The following SRPK2 variants were observed in gnomAD, a reference collection of about 807,000 sequenced individuals.
The protein encoded by SRPK2 is SFRS protein kinase 2.
Under a neutral mutation model 90.8 loss-of-function variants are expected in SRPK2, and 21 were observed. The observed-to-expected ratio is 0.23, with a 90% CI of 0.16 to 0.33. The LOEUF (loss-of-function observed/expected upper bound fraction) is 0.33. Ranked by LOEUF, SRPK2 falls within the 10% of genes least tolerant of loss-of-function variation. SRPK2 has a pLI of 1.00. For missense variants in SRPK2, 620 were observed against 869.0 expected (o/e 0.71, Z 3.60); for synonymous variants, 288 against 311.1 (o/e 0.93, Z 0.78).
intron 3 of SRPK2, among the ~76,000 whole-genome samples, chr7:105,177,185 G>A (rs1010403012): frequency 6.6e-6 from 1 of 151,998 alleles, no homozygotes; most frequent in Admixed American, 6.5e-5. Flanking sequence ...AACATGATAT[G>A]CAGAGATATC....
At chr7:105,303,182 G>A (rs1436776283) in intron 2 of SRPK2, among the ~76,000 whole-genome samples, 1 of 152,186 alleles carries the variant, frequency 6.6e-6, no homozygotes, top group Non-Finnish European at 1.5e-5. Context: ...GATGAAGCTG[G>A]AAACCACCAT....
At chr7:105,259,065 G>C (rs954974428) in intron 2 of SRPK2, among the ~76,000 whole-genome samples, 3 of 152,094 alleles carry the variant, frequency 2.0e-5, no homozygotes, top group Admixed American at 6.6e-5. Context: ...GGAAATAAAG[G>C]GTATTCAATT....
At chr7:105,392,590 T>C (rs1822209129), upstream of SRPK2, among the ~76,000 whole-genome samples, 1 of 152,046 alleles carries the variant, frequency 6.6e-6, no homozygotes, top group African/African-American at 2.4e-5. Context: ...CTCAGCTCAC[T>C]GTAACCTCCA....
At chr7:105,375,590 AGTC>A (rs1435426435) in intron 2 of SRPK2, among the ~76,000 whole-genome samples, 1 of 152,222 alleles carries the variant, frequency 6.6e-6, no homozygotes, top group Non-Finnish European at 1.5e-5. Context: ...AGGACAGAGA[AGTC>A]AACACACTCA....
intron 2 of SRPK2, among the ~76,000 whole-genome samples, chr7:105,345,857 CAGTCACACT>C (rs1384886921): frequency 6.6e-6 from 1 of 152,250 alleles, no homozygotes. Context: ...ACCGGTTCCT[CAGTCACACT>C]AGTCACACTT....
At chr7:105,192,891 A>AT (rs534302350) in intron 3 of SRPK2, among the ~76,000 whole-genome samples, 1,828 of 150,880 alleles carry the variant, frequency 0.012, 29 homozygotes, top group African/African-American at 0.042. Context: ...TTTTCATGGG[A>AT]TTTTTTTTTC....
intron 2 of SRPK2, chr7:105,306,648 T>C (rs1324954690): frequency 5.4e-6 from 2 of 370,002 alleles, no homozygotes; most frequent in Non-Finnish European, 1.0e-5. Context: ...GATGCCACCT[T>C]CAGTTGGAAA....
chr7:105,193,084 A>G (rs1412102938), intron 3 of SRPK2, among the ~76,000 whole-genome samples: 1 of 152,150 alleles, frequency 6.6e-6, no homozygotes, highest in Non-Finnish European at 1.5e-5. Flanking sequence ...TCACATTTGC[A>G]TTTAGGTTCT....
At chr7:105,172,293 C>CA (rs1327778280) in intron 3 of SRPK2, among the ~76,000 whole-genome samples, 1 of 152,136 alleles carries the variant, frequency 6.6e-6, no homozygotes, top group African/African-American at 2.4e-5. Flanking sequence ...ACTTTATTTT[C>CA]AAAACTATGT....
Position 105,169,274 on chromosome 7 carries a change from A to C in SRPK2, c.230-9T>G. 6.2e-7 allele frequency: 1 copy of C among 1,603,476 alleles called. No individual in the cohort carries two copies. ...CACTGGATGATATCCACCTTAAAAA[A>C]CAAGAAAGAAAGAAAAAAATTCAAA... On this transcript the variant is annotated splice_polypyrimidine_tract_variant and intron_variant, in intron 3 of 15. Transcript: ENST00000393651.
At chr7:105,219,811 C>T (rs1262440770) in intron 2 of SRPK2, among the ~76,000 whole-genome samples, 2 of 152,132 alleles carry the variant, frequency 1.3e-5, no homozygotes, top group Non-Finnish European at 2.9e-5. Flanking sequence ...GTAATATTTC[C>T]TACTCATTTA....
chr7:105,348,431 T>C (rs1816735365), intron 2 of SRPK2, among the ~76,000 whole-genome samples: 1 of 149,688 alleles, frequency 6.7e-6, no homozygotes, highest in East Asian at 1.9e-4. Flanking sequence ...CTTTCTTTTT[T>C]TTTTTTTTTT....
At chr7:105,268,542 C>G (rs1261593461) in intron 2 of SRPK2, among the ~76,000 whole-genome samples, 1 of 152,180 alleles carries the variant, frequency 6.6e-6, no homozygotes, top group Non-Finnish European at 1.5e-5. Context: ...AAGCCTTCAA[C>G]AGCTGTCACA....
At chr7:105,186,494 G>A (rs1298398921) in intron 3 of SRPK2, among the ~76,000 whole-genome samples, 1 of 152,164 alleles carries the variant, frequency 6.6e-6, no homozygotes, top group East Asian at 1.9e-4. Flanking sequence ...ATGGCCTCCA[G>A]CTTCATCCAT....
At chr7:105,248,433 AT>A (rs1487062971) in intron 2 of SRPK2, among the ~76,000 whole-genome samples, 2,896 of 97,976 alleles carry the variant, frequency 0.03, 47 homozygotes, top group African/African-American at 0.06. Flanking sequence ...TTTACAAAAA[AT>A]TTAAAAAAAA....
At chr7:105,282,558 A>G (rs10953474) in intron 2 of SRPK2, among the ~76,000 whole-genome samples, 109,415 of 151,784 alleles carry the variant, frequency 0.72, 39,972 homozygotes, top group African/African-American at 0.84. Flanking sequence ...ATCTCTGTGC[A>G]TTGGGAGGCC....
intron 2 of SRPK2, among the ~76,000 whole-genome samples, chr7:105,340,215 G>A (rs367552715): frequency 2.6e-5 from 4 of 151,854 alleles, no homozygotes; most frequent in Admixed American, 6.6e-5. Flanking sequence ...AATTCTGTGC[G>A]AGAAAATAGG....
At chr7:105,325,515 T>C (rs1813467882) in intron 2 of SRPK2, among the ~76,000 whole-genome samples, 1 of 140,398 alleles carries the variant, frequency 7.1e-6, no homozygotes, top group Non-Finnish European at 1.5e-5. Context: ...TGATGTCCAT[T>C]ATTTAATGGC....
chr7:105,185,077 G>A (rs534363587), intron 3 of SRPK2, among the ~76,000 whole-genome samples: 40 of 151,934 alleles, frequency 2.6e-4, no homozygotes, highest in African/African-American at 9.4e-4. Flanking sequence ...CAAAAACTTT[G>A]GGCTCATTTC....
Sources: allele counts gnomAD v4.1 joint callset (sites outside exome capture counted in the v4.1 genomes callset), GRCh38; gene constraint gnomAD v4.1.1; transcripts MANE v1.5; gene names NCBI Gene and HGNC (gene_info 2026-07-23, HGNC 2026-07-21).